DUT: variants seen among roughly 807,000 people sequenced by gnomAD.
DUT encodes the protein deoxyuridine 5'-triphosphate nucleotidohydrolase, mitochondrial.
In DUT, 21 loss-of-function variants were observed where a neutral mutation model predicts 28.8. That is an observed-to-expected ratio of 0.73 (90% CI 0.52 to 1.05). The LOEUF is 1.05. Ranked by LOEUF, DUT falls within the 50% of genes least tolerant of loss-of-function variation. The pLI is 0.00. For synonymous variants in DUT, 147 were observed against 143.7 expected (o/e 1.02, Z -0.17); for missense variants, 344 against 351.8 (o/e 0.98, Z 0.18).
Position 48,332,369 on chromosome 15 carries a change from C to G in DUT, c.382C>G (p.Arg128Gly), listed in dbSNP as rs1396333622. ...CTCCGAGCACGCCACGGCCCCCACC[C>G]GGGGCTCCGCGCGCGCCGCGGGCTA... ...RLSEHATAPT[R>G]GSARAAGYDL... The change falls in exon 2 of 7, where the codon CGG becomes GGG. Residue 128 changes from arginine to glycine, a missense_variant. Transcript: ENST00000331200. 6.3e-7 allele frequency: 1 copy of G among 1,590,656 alleles called. No homozygotes were observed. The highest frequency in any genetic ancestry group is 1.4e-5 in the African/African-American group (1 of 73,920).
chr15:48,337,629 G>A (rs2042489292), intron 4 of DUT, among the ~76,000 whole-genome samples: 1 of 152,142 alleles, frequency 6.6e-6, no homozygotes, highest in Non-Finnish European at 1.5e-5. Context: ...ATTCGACTTT[G>A]TTACTAATTT....
In DUT at chr15:48,342,033, C is replaced by A; in HGVS notation, c.714C>A (p.Asp238Glu). The change falls in exon 7 of 7, where the codon GAC becomes GAA. Residue 238 changes from aspartate (D) to glutamate (E), a missense_variant. Transcript: ENST00000331200. ...TTTCTATCTTTCAGGCCTTGGATGA[C>A]ACCGAAAGGGGTTCAGGAGGTTTTG... ...PEIEEVQALD[D>E]TERGSGGFGS... 6.3e-7 allele frequency: 1 copy of A among 1,577,982 alleles called. No individual in the cohort carries two copies. The highest frequency in any genetic ancestry group is 8.6e-7 in the Non-Finnish European group (1 of 1,167,088).
chr15:48,331,899 C>CGG, intron 1 of DUT, 104 bp downstream of exon 1: 1 of 12,484 alleles, frequency 8.0e-5, no homozygotes. Flanking sequence ...GCGCGGGGGG[C>CGG]GGGGGGGGTG....
At chr15:48,331,264 A>C, upstream of DUT, 1 of 1,461,790 alleles carries the variant, frequency 6.8e-7, no homozygotes, top group East Asian at 2.6e-5. Context: ...GCAAACAAGA[A>C]GAGCGAAAGC....
At chr15:48,332,196 C>G (rs2042422987) in intron 1 of DUT, 72 bp from the exon 2 acceptor site, 7 of 1,508,468 alleles carry the variant, frequency 4.6e-6, no homozygotes, top group Non-Finnish European at 5.3e-6. Context: ...CGGCGACGCT[C>G]ATCGTGCGCT....
Position 48,341,503 on chromosome 15 carries a change from C to T in DUT, c.632-12C>T. 6.2e-7 allele frequency: 1 copy of T among 1,612,328 alleles called. No homozygotes were observed. Among genetic ancestry groups the T allele is most frequent in the Non-Finnish European group, 8.5e-7 (1 of 1,178,976 alleles). ...TCAGTAACGTCAGTAATAAACTATT[C>T]TTTCTTTGAAGTCAAAAAAGGTGAT... On this transcript the variant is annotated splice_polypyrimidine_tract_variant and intron_variant, in intron 5 of 6. Coordinates refer to ENST00000331200, the MANE Select transcript of DUT (RefSeq NM_001025248.2).
At chr15:48,337,454 A>G (rs1350795570) in intron 4 of DUT, among the ~76,000 whole-genome samples, 1 of 152,126 alleles carries the variant, frequency 6.6e-6, no homozygotes, top group Non-Finnish European at 1.5e-5. Flanking sequence ...CTGTTTCCTC[A>G]TTTTACAATG....
chr15:48,338,959 A>ATAC (rs1371729103), intron 4 of DUT, among the ~76,000 whole-genome samples: 10 of 152,246 alleles, frequency 6.6e-5, no homozygotes, highest in African/African-American at 2.4e-4. Flanking sequence ...CAACATAGGG[A>ATAC]TACTTTCTCT....
At chr15:48,334,886 G>C (rs1316955845) in intron 3 of DUT, among the ~76,000 whole-genome samples, 1 of 152,200 alleles carries the variant, frequency 6.6e-6, no homozygotes, top group East Asian at 1.9e-4. Context: ...TGTTGTAGAG[G>C]CACTGGGAGG....
At position 48,342,580 on chromosome 15, in the gene DUT, CCTTCT is replaced by C. The variant is rs1279726211; in HGVS notation, c.*507_*511del. The C allele has an allele frequency of 1.3e-5, 2 of 152,076 alleles. No homozygotes were observed. Among genetic ancestry groups the C allele is most frequent in the Non-Finnish European group, 2.9e-5 (2 of 68,008 alleles). 9.4% of individuals were successfully genotyped at this position (152,076 alleles called of 1,614,324 possible). ...AGATTAAAGGTATTCCTTGTTCTTC[CCTTCT>C]CTTCACTAGTCTAAAAACTTCTTTT... is the stretch of plus-strand genomic sequence containing the variant. On this transcript the variant is annotated 3_prime_UTR_variant, in exon 7 of 7. Transcript: ENST00000331200.
Position 48,342,731 on chromosome 15 carries a change from T to A in DUT, c.*653T>A, listed in dbSNP as rs893209283. 6.6e-6 allele frequency: 1 copy of A among 152,228 alleles called. No homozygotes were observed. The highest frequency in any genetic ancestry group is 1.5e-5 in the Non-Finnish European group (1 of 68,030). 9.4% of individuals were successfully genotyped at this position (152,228 alleles called of 1,614,324 possible). On this transcript the variant is annotated 3_prime_UTR_variant, in exon 7 of 7. Coordinates refer to ENST00000331200, the MANE Select transcript of DUT (RefSeq NM_001025248.2). Reference sequence around the variant, plus strand: ...GGTAGAGGTATGTTTGTGAAAGACATGTAACTTGGGGATTTGTTACTTTAG... The same window carrying A: ...GGTAGAGGTATGTTTGTGAAAGACAAGTAACTTGGGGATTTGTTACTTTAG...
At position 48,332,260 on chromosome 15, in the gene DUT, C is replaced by T. The variant is rs773536054; in HGVS notation, c.281-8C>T. 7 of 1,606,542 alleles carry T rather than the reference C, an allele frequency of 4.4e-6. No homozygotes were observed. The highest frequency in any genetic ancestry group is 5.1e-6 in the Non-Finnish European group (6 of 1,177,404). On this transcript the variant is annotated splice_polypyrimidine_tract_variant and splice_region_variant and intron_variant, in intron 1 of 6. Transcript: ENST00000331200. ...CGCCTTCTGGCTCTGCCATGCCCTGCTCTGAAGAGACACCCGCCATTTCAC... is the reference window on the plus strand; with the variant it reads ...CGCCTTCTGGCTCTGCCATGCCCTGTTCTGAAGAGACACCCGCCATTTCAC...
chr15:48,334,310 A>T, intron 2 of DUT, 107 bp from the exon 3 acceptor site: 1 of 623,010 alleles, frequency 1.6e-6, no homozygotes, highest in Non-Finnish European at 2.6e-6. Context: ...AAGTTGCATT[A>T]ATTCATTAAA....
At chr15:48,340,731 C>G (rs2042524495) in intron 4 of DUT, among the ~76,000 whole-genome samples, 1 of 152,096 alleles carries the variant, frequency 6.6e-6, no homozygotes, top group Non-Finnish European at 1.5e-5. Context: ...GATGGTGGTT[C>G]AGATTAAAAG....
In DUT at chr15:48,331,512, G is replaced by T; in HGVS notation, c.-4G>T. On this transcript the variant is annotated 5_prime_UTR_variant, in exon 1 of 7. Coordinates refer to ENST00000331200, the MANE Select transcript of DUT (RefSeq NM_001025248.2). ...GGACCCAACCAGCCCAAACTCTGGG[G>T]GAAATGACTCCCCTCTGCCCTCGCC... The T allele has an allele frequency of 6.2e-7, 1 of 1,611,574 alleles. No individual in the cohort carries two copies. Among genetic ancestry groups the T allele is most frequent in the Non-Finnish European group, 8.5e-7 (1 of 1,179,420 alleles).
chr15:48,336,394 A>G (rs1353333193), intron 4 of DUT, among the ~76,000 whole-genome samples: 1 of 152,214 alleles, frequency 6.6e-6, no homozygotes, highest in African/African-American at 2.4e-5. Context: ...AATTTTCTTC[A>G]TAAGAGAGCT....
chr15:48,341,384 C>T (rs1381722585), intron 5 of DUT, 21 bp downstream of exon 5: 1 of 1,584,182 alleles, frequency 6.3e-7, no homozygotes, highest in African/African-American at 1.3e-5. Context: ...TATATACATT[C>T]ACATAATTTT....
intron 3 of DUT, among the ~76,000 whole-genome samples, chr15:48,335,383 G>T (rs1037282131): frequency 3.3e-5 from 5 of 152,240 alleles, no homozygotes; most frequent in African/African-American, 1.2e-4. Flanking sequence ...GGATTAAAAA[G>T]TATACTAGCA....
At chr15:48,332,743 A>G in intron 2 of DUT, 1 of 542,476 alleles carries the variant, frequency 1.8e-6, no homozygotes, top group Non-Finnish European at 3.5e-6. Flanking sequence ...CCAAGGTGAG[A>G]GCCTAGATGT....
Sources: gnomAD v4.1 joint callset for allele counts (sites outside exome capture counted in the v4.1 genomes callset) on GRCh38, gnomAD v4.1.1 for gene constraint, MANE v1.5 for transcripts, NCBI Gene and HGNC (gene_info 2026-07-23, HGNC 2026-07-21) for gene names.